The following OXR1 variants were observed in gnomAD, a reference collection of about 807,000 sequenced individuals.
OXR1 encodes the protein oxidation resistance 1, also known as oxidation resistance protein 1.
A neutral mutation model predicts 104.6 loss-of-function variants in OXR1; 41 were observed. The ratio of observed to expected loss-of-function variants is 0.39; its 90% CI spans 0.31 to 0.51. The LOEUF is 0.51. Ranked by LOEUF, OXR1 falls within the 20% of genes least tolerant of loss-of-function variation. The pLI is 0.77. For missense variants in OXR1, 955 were observed against 1,031.9 expected (o/e 0.93, Z 1.02); for synonymous variants, 348 against 348.4 (o/e 1.00, Z 0.01).
At chr8:106,740,570 A>T in intron 14 of OXR1, 75 bp downstream of exon 14, 1 of 1,233,120 alleles carries the variant, frequency 8.1e-7, no homozygotes, top group Non-Finnish European at 1.2e-6. Context: ...TTTATTTGAT[A>T]AACATTACTT....
chr8:106,430,168 A>G (rs1819302129), intron 2 of OXR1, among the ~76,000 whole-genome samples: 1 of 152,188 alleles, frequency 6.6e-6, no homozygotes, highest in Non-Finnish European at 1.5e-5. Flanking sequence ...TAATCATCCA[A>G]AGGCCCATTA....
intron 7 of OXR1, among the ~76,000 whole-genome samples, chr8:106,696,311 C>CT (rs1025474205): frequency 6.6e-6 from 1 of 152,136 alleles, no homozygotes; most frequent in African/African-American, 2.4e-5. Context: ...CACCTTAATT[C>CT]TTTTTACTAA....
intron 3 of OXR1, among the ~76,000 whole-genome samples, chr8:106,663,994 C>T (rs185963518): frequency 2.6e-5 from 4 of 152,266 alleles, no homozygotes; most frequent in South Asian, 2.1e-4. Flanking sequence ...AGAAGATAAC[C>T]CTAGCTGGCC....
chr8:106,422,859 A>G (rs749722721), intron 2 of OXR1, among the ~76,000 whole-genome samples: 16 of 152,300 alleles, frequency 1.1e-4, no homozygotes, highest in South Asian at 2.1e-4. Context: ...ATTTCACTGC[A>G]CTTAATGGAT....
intron 1 of OXR1, among the ~76,000 whole-genome samples, chr8:106,347,004 T>C (rs1307290816): frequency 6.6e-6 from 1 of 152,112 alleles, no homozygotes; most frequent in Non-Finnish European, 1.5e-5. Context: ...GATCGCGCCA[T>C]TGCACTCCAG....
intron 1 of OXR1, among the ~76,000 whole-genome samples, chr8:106,344,990 A>G (rs1462241175): frequency 6.6e-6 from 1 of 152,226 alleles, no homozygotes; most frequent in African/African-American, 2.4e-5. Context: ...CTTGTGAGGA[A>G]ACAGCTGTGC....
At chr8:106,546,111 C>T (rs990159067) in intron 3 of OXR1, among the ~76,000 whole-genome samples, 3 of 152,274 alleles carry the variant, frequency 2.0e-5, no homozygotes, top group East Asian at 1.9e-4. Context: ...ACGTGTCATT[C>T]GGTAGGGTCT....
chr8:106,294,876 A>G (rs1812924679), intron 1 of OXR1, among the ~76,000 whole-genome samples: 1 of 152,148 alleles, frequency 6.6e-6, no homozygotes. Flanking sequence ...GGCCTTTCAT[A>G]TCTTTTAACC....
At chr8:106,522,199 A>G (rs1001258758) in intron 3 of OXR1, among the ~76,000 whole-genome samples, 1 of 152,146 alleles carries the variant, frequency 6.6e-6, no homozygotes, top group African/African-American at 2.4e-5. Context: ...GTTATTCTTT[A>G]GTATTCAGGG....
At chr8:106,593,224 C>G (rs1819237285) in intron 3 of OXR1, among the ~76,000 whole-genome samples, 1 of 152,158 alleles carries the variant, frequency 6.6e-6, no homozygotes, top group Non-Finnish European at 1.5e-5. Context: ...GACTTTCAGG[C>G]CATCCTGTAT....
chr8:106,489,249 G>T (rs1300844593), intron 2 of OXR1, among the ~76,000 whole-genome samples: 1 of 151,732 alleles, frequency 6.6e-6, no homozygotes, highest in East Asian at 1.9e-4. Flanking sequence ...GTATAAGAAT[G>T]CTTGTGATTT....
chr8:106,549,128 T>C (rs1025208130), intron 3 of OXR1, among the ~76,000 whole-genome samples: 4 of 152,116 alleles, frequency 2.6e-5, no homozygotes, highest in Admixed American at 6.5e-5. Context: ...CTCCAGAGAA[T>C]TGAAACAGCC....
intron 2 of OXR1, among the ~76,000 whole-genome samples, chr8:106,373,312 C>T (rs1020550516): frequency 2.0e-5 from 3 of 152,118 alleles, no homozygotes; most frequent in Non-Finnish European, 4.4e-5. Context: ...CCTCCCTTTC[C>T]CATAAACTTT....
intron 3 of OXR1, among the ~76,000 whole-genome samples, chr8:106,553,317 CTTCT>C (rs1178220411): frequency 9.3e-6 from 1 of 107,134 alleles, no homozygotes; most frequent in Admixed American, 1.2e-4. Context: ...ATGCAATTTT[CTTCT>C]TTTTTTTTTT....
rs1234069367 is a variant in OXR1, at chr8:106,751,683, T to A, written c.*742T>A. 3.3e-5 allele frequency: 5 copies of A among 152,582 alleles called. No homozygotes were observed. The highest frequency in any genetic ancestry group is 1.2e-4 in the African/African-American group (5 of 41,444). 9.5% of individuals were successfully genotyped at this position (152,582 alleles called of 1,614,324 possible). A position where few individuals can be genotyped will look rare whatever the true frequency, so the allele number is the denominator to read the frequency against. Reference sequence around the variant, plus strand: ...CTTAATGATTCTATTGGATTTAATATATTAGCAAGAAAACATACTATTTAC... The same window carrying A: ...CTTAATGATTCTATTGGATTTAATAAATTAGCAAGAAAACATACTATTTAC... On this transcript the variant is annotated 3_prime_UTR_variant, in exon 17 of 17. Coordinates refer to ENST00000517566, the MANE Select transcript of OXR1 (RefSeq NM_001198533.2).
intron 3 of OXR1, among the ~76,000 whole-genome samples, chr8:106,611,383 G>A (rs1191087591): frequency 6.6e-6 from 1 of 152,204 alleles, no homozygotes; most frequent in Non-Finnish European, 1.5e-5. Flanking sequence ...GTGTTGAGCA[G>A]TGAATGTGCT....
chr8:106,382,675 A>C (rs1817196484), intron 2 of OXR1, among the ~76,000 whole-genome samples: 1 of 142,498 alleles, frequency 7.0e-6, no homozygotes, highest in Non-Finnish European at 1.5e-5. Context: ...AGGTCTGAGA[A>C]CTATAGGTTT....
intron 3 of OXR1, among the ~76,000 whole-genome samples, chr8:106,574,282 G>A (rs73699588): frequency 0.031 from 4,725 of 152,220 alleles, 130 homozygotes; most frequent in African/African-American, 0.073. Flanking sequence ...TTGGTATCAA[G>A]GGTAGATTCT....
chr8:106,724,233 A>T (rs1288616200), intron 11 of OXR1, among the ~76,000 whole-genome samples: 1 of 152,218 alleles, frequency 6.6e-6, no homozygotes, highest in African/African-American at 2.4e-5. Context: ...GAATTATGAG[A>T]ACAGATTATG....
Sources: gnomAD v4.1 joint callset for allele counts (sites outside exome capture counted in the v4.1 genomes callset) on GRCh38, gnomAD v4.1.1 for gene constraint, MANE v1.5 for transcripts, NCBI Gene and HGNC (gene_info 2026-07-23, HGNC 2026-07-21) for gene names.